Variants in LRIF1 observed in about 807,000 individuals in gnomAD.
LRIF1 encodes ligand dependent nuclear receptor interacting factor 1.
In LRIF1, 32 loss-of-function variants were observed where a neutral mutation model predicts 52.7. That is an observed-to-expected ratio of 0.61 (90% CI 0.46 to 0.82). LRIF1 has a LOEUF of 0.82. Ranked by LOEUF, LRIF1 falls within the 40% of genes least tolerant of loss-of-function variation. The pLI, the probability that LRIF1 is intolerant of heterozygous loss-of-function variation, is 0.00. For synonymous variants in LRIF1, 323 were observed against 317.4 expected, an observed-to-expected ratio of 1.02 and a Z score of -0.19; for missense variants, 887 against 892.0, an observed-to-expected ratio of 0.99 and a Z score of 0.07.
chr1:110,957,490 A>AAAAAAAAAAAAAAC (rs1658753886), intron 1 of LRIF1, among the ~76,000 whole-genome samples: 2 of 149,578 alleles, frequency 1.3e-5, no homozygotes, highest in East Asian at 2.0e-4. Context: ...AAAAAAAAAA[A>AAAAAAAAAAAAAAC]AAGACTGCAA....
At chr1:110,945,389 CCT>C (rs778974930), downstream of LRIF1, among the ~76,000 whole-genome samples, 26 of 151,996 alleles carry the variant, frequency 1.7e-4, no homozygotes, top group East Asian at 3.7e-3. Flanking sequence ...CTTCCCTCCC[CCT>C]CTTCCTTCTT....
chr1:110,896,668 A>G, the LRIF1 span: 1 of 1,613,352 alleles, frequency 6.2e-7, no homozygotes, highest in Non-Finnish European at 8.5e-7. Context: ...GTGTTGTGGT[A>G]TAAATGGCAC....
At chr1:110,938,490 AT>A in the LRIF1 span, 1 of 152,220 alleles carries the variant, frequency 6.6e-6, no homozygotes, top group Non-Finnish European at 1.5e-5. Flanking sequence ...CTGAAAAAGT[AT>A]TTGATAAAAT....
At chr1:110,958,463 G>GAGTAA (rs3035078) in intron 1 of LRIF1, among the ~76,000 whole-genome samples, 151,971 of 152,216 alleles carry the variant, frequency 1, 75,863 homozygotes, top group Middle Eastern at 1. Flanking sequence ...TTTTTAAAAT[G>GAGTAA]AGTATTGTTT....
At chr1:110,925,187 A>G in the LRIF1 span, among the ~76,000 whole-genome samples, 1 of 152,152 alleles carries the variant, frequency 6.6e-6, no homozygotes, top group African/African-American at 2.4e-5. Context: ...GGTAAAGCAG[A>G]TTTCCCTCTA....
At chr1:110,933,066 G>T in the LRIF1 span, among the ~76,000 whole-genome samples, 39 of 152,154 alleles carry the variant, frequency 2.6e-4, no homozygotes, top group African/African-American at 9.4e-4. Flanking sequence ...TCCAACTTTG[G>T]TTGTTAGTAA....
At chr1:110,914,523 G>A in the LRIF1 span, among the ~76,000 whole-genome samples, 2 of 152,122 alleles carry the variant, frequency 1.3e-5, no homozygotes, top group African/African-American at 2.4e-5. Context: ...GGAGGCTAAG[G>A]TGGGTGGATC....
chr1:110,888,278 G>T, the LRIF1 span, among the ~76,000 whole-genome samples: 1 of 152,210 alleles, frequency 6.6e-6, no homozygotes, highest in South Asian at 2.1e-4. Flanking sequence ...GCAAGCACCC[G>T]CTGCGAATCT....
chr1:110,919,348 G>T, the LRIF1 span, among the ~76,000 whole-genome samples: 9 of 152,120 alleles, frequency 5.9e-5, no homozygotes, highest in Admixed American at 4.6e-4. Context: ...AACTCGAAAA[G>T]GTGTGACTGG....
the LRIF1 span, among the ~76,000 whole-genome samples, chr1:110,931,166 G>A: frequency 6.6e-6 from 1 of 152,206 alleles, no homozygotes; most frequent in South Asian, 2.1e-4. Context: ...CCTGCTGTGT[G>A]ATGTTCCCCT....
At chr1:110,906,639 T>C in the LRIF1 span, among the ~76,000 whole-genome samples, 1 of 152,168 alleles carries the variant, frequency 6.6e-6, no homozygotes, top group African/African-American at 2.4e-5. Context: ...AATATTCTAA[T>C]TTGATTGGAA....
At chr1:110,898,931 T>C in the LRIF1 span, among the ~76,000 whole-genome samples, 7 of 152,192 alleles carry the variant, frequency 4.6e-5, no homozygotes, top group East Asian at 5.8e-4. Context: ...CTTGTCATCA[T>C]TGACCCCGTT....
the LRIF1 span, among the ~76,000 whole-genome samples, chr1:110,916,076 A>G: frequency 6.6e-6 from 1 of 152,206 alleles, no homozygotes; most frequent in Non-Finnish European, 1.5e-5. Context: ...GTGTTTATCA[A>G]GAGCAGGTAA....
At chr1:110,875,370 C>T in the LRIF1 span, among the ~76,000 whole-genome samples, 1 of 152,154 alleles carries the variant, frequency 6.6e-6, no homozygotes, top group Admixed American at 6.5e-5. Context: ...ACCATGTTCA[C>T]ACGACAGAAT....
At chr1:110,925,570 C>G in the LRIF1 span, among the ~76,000 whole-genome samples, 1 of 152,064 alleles carries the variant, frequency 6.6e-6, no homozygotes, top group Non-Finnish European at 1.5e-5. Context: ...TGAAAAATTT[C>G]TCTCTGATAT....
At chr1:110,945,764 A>G (rs1658190352), downstream of LRIF1, among the ~76,000 whole-genome samples, 1 of 152,218 alleles carries the variant, frequency 6.6e-6, no homozygotes, top group Non-Finnish European at 1.5e-5. Context: ...TTTCTATGAC[A>G]GAATGTTTCA....
the LRIF1 span, chr1:110,939,288 G>A: frequency 6.9e-6 from 1 of 145,292 alleles, no homozygotes; most frequent in Non-Finnish European, 1.5e-5. Flanking sequence ...TGAGGCAGGA[G>A]AATGGCATGA....
At chr1:110,934,691 G>A in the LRIF1 span, among the ~76,000 whole-genome samples, 1 of 152,188 alleles carries the variant, frequency 6.6e-6, no homozygotes, top group Non-Finnish European at 1.5e-5. Flanking sequence ...AGAACACCAG[G>A]TAGATGTCTA....
chr1:110,930,589 C>T, the LRIF1 span, among the ~76,000 whole-genome samples: 2 of 152,120 alleles, frequency 1.3e-5, no homozygotes, highest in South Asian at 4.1e-4. Context: ...TAAGGTCCCA[C>T]CTTTATGATC....
Sources: allele counts gnomAD v4.1 joint callset (sites outside exome capture counted in the v4.1 genomes callset), GRCh38; gene constraint gnomAD v4.1.1; transcripts MANE v1.5; gene names NCBI Gene and HGNC (gene_info 2026-07-23, HGNC 2026-07-21).